The following FRY variants were observed in gnomAD, a reference collection of about 807,000 sequenced individuals.
FRY encodes protein furry homolog.
In FRY, 128 loss-of-function variants were observed where a neutral mutation model predicts 348.4. The ratio of observed to expected loss-of-function variants is 0.37; its 90% CI spans 0.32 to 0.43. The LOEUF is 0.43. FRY is among the 20% of genes least tolerant of loss of function. FRY has a pLI of 1.00. For synonymous variants in FRY, 1,370 were observed against 1,374.7 expected (o/e 1.00, Z 0.08); for missense variants, 2,736 against 3,695.2 (o/e 0.74, Z 6.73).
chr13:32,141,987 A>G (rs929669085), intron 11 of FRY, among the ~76,000 whole-genome samples: 2 of 152,138 alleles, frequency 1.3e-5, no homozygotes, highest in Admixed American at 6.5e-5. Flanking sequence ...ATTAAGGGAG[A>G]TGCAGATTCC....
intron 1 of FRY, among the ~76,000 whole-genome samples, chr13:32,062,319 G>T (rs1873990790): frequency 6.6e-6 from 1 of 152,022 alleles, no homozygotes; most frequent in Non-Finnish European, 1.5e-5. Flanking sequence ...GGCATCCCTT[G>T]AGGATGTTAC....
rs545194028 is a variant in FRY at position 32,254,661 on chromosome 13, A to ATG, written c.7416+277_7416+278dup. 4.8e-4 allele frequency among the ~76,000 whole-genome samples: 73 copies of ATG among 152,224 alleles called. 1 individual carries two copies. In the South Asian group the frequency reaches 0.014, roughly 29 times the overall value. The stretch of plus-strand genomic sequence containing the variant: ...GTTTTAATGACCACACAAAGACTGT[A>ATG]TGTGTGTGTGTAGTCCCAAGCTGGA... On this transcript the variant is annotated intron_variant, in intron 51 of 60. Transcript: ENST00000542859.
chr13:32,185,320 A>G (rs565791738), intron 26 of FRY, among the ~76,000 whole-genome samples, 172 bp downstream of exon 26: 19 of 152,336 alleles, frequency 1.2e-4, no homozygotes, highest in African/African-American at 4.6e-4. Flanking sequence ...GTCATTACTC[A>G]GCACAGAGTT....
chr13:32,292,045 CG>C (rs1566200691), intron 59 of FRY: 4 of 449,422 alleles, frequency 8.9e-6, no homozygotes, highest in Non-Finnish European at 1.8e-5. Flanking sequence ...TGCAATGGCA[CG>C]ATCTCGGCTC....
At chr13:32,074,424 A>G (rs1258886842) in intron 1 of FRY, among the ~76,000 whole-genome samples, 2 of 152,244 alleles carry the variant, frequency 1.3e-5, no homozygotes, top group Non-Finnish European at 2.9e-5. Context: ...CCTAATTAAT[A>G]TATAAAAGTA....
chr13:32,110,823 T>C (rs1169851147), intron 3 of FRY, among the ~76,000 whole-genome samples: 5 of 152,204 alleles, frequency 3.3e-5, no homozygotes. Flanking sequence ...TCTCATACAG[T>C]AAGTGGAAGT....
Position 32,194,240 on chromosome 13 carries a change from G to T in FRY, c.3689G>T (p.Gly1230Val), listed in dbSNP as rs774164443. ...TGGGCAATTGACCGATGCTACACAG[G>T]TTCCTACCAACTTGCATCTGGCTGC... ...FNWAIDRCYTGSYQLASGCFK... is the reference protein window; with the variant it reads ...FNWAIDRCYTVSYQLASGCFK... The change falls in exon 29 of 61, where the codon GGT becomes GTT. Residue 1230 changes from glycine (G) to valine (V), a missense_variant. Transcript: ENST00000542859. 1.2e-6 allele frequency: 2 copies of T among 1,614,136 alleles called. No homozygotes were observed. Among genetic ancestry groups the T allele is most frequent in the Non-Finnish European group, 8.5e-7 (1 of 1,179,968 alleles).
At chr13:32,118,808 A>G (rs926263382) in intron 4 of FRY, among the ~76,000 whole-genome samples, 1 of 152,168 alleles carries the variant, frequency 6.6e-6, no homozygotes, top group Non-Finnish European at 1.5e-5. Context: ...TAAATTGTTT[A>G]TCTGAAAAAT....
intron 3 of FRY, among the ~76,000 whole-genome samples, chr13:32,106,862 T>C (rs951910775): frequency 1.3e-5 from 2 of 152,252 alleles, no homozygotes; most frequent in African/African-American, 4.8e-5. Context: ...AAAGTAGAAC[T>C]ATTTACAGTT....
intron 27 of FRY, among the ~76,000 whole-genome samples, chr13:32,187,333 T>C (rs1025330714): frequency 3.9e-5 from 6 of 152,176 alleles, no homozygotes; most frequent in African/African-American, 1.4e-4. Context: ...GGTAAACTTA[T>C]GGGTTTTTAA....
intron 51 of FRY, among the ~76,000 whole-genome samples, chr13:32,261,273 T>C (rs2138542453): frequency 6.6e-6 from 1 of 152,330 alleles, no homozygotes; most frequent in Non-Finnish European, 1.5e-5. Flanking sequence ...ACACCTCTTT[T>C]GAAGTTTTCA....
chr13:32,192,330 G>A (rs1302436576), intron 28 of FRY, among the ~76,000 whole-genome samples: 2 of 151,942 alleles, frequency 1.3e-5, no homozygotes, highest in Admixed American at 6.6e-5. Flanking sequence ...ACGGAGTCTC[G>A]CTCTGTCCCC....
intron 1 of FRY, among the ~76,000 whole-genome samples, chr13:32,047,062 G>T (rs34568486): frequency 9.1e-4 from 138 of 152,262 alleles, no homozygotes; most frequent in African/African-American, 3.0e-3. Flanking sequence ...TATATAGAGA[G>T]AGAGAGAGCT....
At chr13:32,268,198 C>T (rs206085) in intron 55 of FRY, among the ~76,000 whole-genome samples, 35,934 of 152,110 alleles carry the variant, frequency 0.24, 4,844 homozygotes, top group Non-Finnish European at 0.31. Flanking sequence ...CCATTAACTC[C>T]TCTATGCATC....
intron 4 of FRY, among the ~76,000 whole-genome samples, chr13:32,123,450 C>T (rs1878807926): frequency 6.6e-6 from 1 of 152,098 alleles, no homozygotes; most frequent in African/African-American, 2.4e-5. Flanking sequence ...TCTCAAGTGG[C>T]AAAAAATGTA....
chr13:32,093,052 G>T (rs1876435653), intron 2 of FRY, among the ~76,000 whole-genome samples: 1 of 152,078 alleles, frequency 6.6e-6, no homozygotes, highest in Admixed American at 6.5e-5. Flanking sequence ...TGAACCTAAT[G>T]GTCATCTTCA....
At chr13:32,082,892 G>A (rs887091645) in intron 2 of FRY, among the ~76,000 whole-genome samples, 2 of 151,948 alleles carry the variant, frequency 1.3e-5, no homozygotes, top group Non-Finnish European at 2.9e-5. Flanking sequence ...TTGGTATTCT[G>A]AAGTTTCACT....
chr13:32,232,630 G>A (rs2138437823), intron 41 of FRY, among the ~76,000 whole-genome samples: 1 of 152,310 alleles, frequency 6.6e-6, no homozygotes, highest in Non-Finnish European at 1.5e-5. Flanking sequence ...CCAGCCAGCA[G>A]GTGGAAGAAG....
At chr13:32,127,380 A>AT (rs1425022870) in intron 7 of FRY, among the ~76,000 whole-genome samples, 3 of 152,008 alleles carry the variant, frequency 2.0e-5, no homozygotes, top group East Asian at 3.9e-4. Context: ...GGTCATTGAA[A>AT]TTTTTTTTTC....
Sources: allele counts gnomAD v4.1 joint callset (sites outside exome capture counted in the v4.1 genomes callset), GRCh38; gene constraint gnomAD v4.1.1; transcripts MANE v1.5; gene names NCBI Gene and HGNC (gene_info 2026-07-23, HGNC 2026-07-21).